ZNF487: variants seen among roughly 807,000 people sequenced by gnomAD.
ZNF487 encodes zinc finger protein 487.
ZNF487 carries 4 observed loss-of-function variants against 3.0 expected under a neutral mutation model. The observed-to-expected ratio is 1.35, with a 90% confidence interval of 0.66 to 3.08. ZNF487 has a LOEUF of 3.08. ZNF487 is among the 30% of genes most tolerant of loss of function. The probability of loss-of-function intolerance (pLI) is 0.01; values close to 1 mark genes in which losing one functional copy is unlikely to be tolerated. For missense variants in ZNF487, 146 were observed against 98.7 expected (o/e 1.48, Z -2.03); for synonymous variants, 55 against 34.6 (o/e 1.59, Z -2.06).
chr10:43,463,644 T>G (rs1332585190), intron 1 of ZNF487, among the ~76,000 whole-genome samples: 1 of 150,818 alleles, frequency 6.6e-6, no homozygotes, highest in African/African-American at 2.4e-5. Context: ...CCCACCTTGG[T>G]CCCCCAGAGC....
chr10:43,500,240 G>A, the ZNF487 span, among the ~76,000 whole-genome samples: 1 of 151,516 alleles, frequency 6.6e-6, no homozygotes, highest in Non-Finnish European at 1.5e-5. Context: ...GAACTCCTGA[G>A]CTCAAGTGAT....
At chr10:43,453,230 TC>T (rs1279390156) in intron 1 of ZNF487, 1 of 152,144 alleles carries the variant, frequency 6.6e-6, no homozygotes, top group Non-Finnish European at 1.5e-5. Context: ...AAAGCAATGT[TC>T]CTTGAGAAAG....
the ZNF487 span, among the ~76,000 whole-genome samples, chr10:43,499,681 G>C: frequency 6.6e-6 from 1 of 152,064 alleles, no homozygotes; most frequent in Admixed American, 6.6e-5. Context: ...AGCCTGGGCA[G>C]TCAAGGCCGC....
chr10:43,492,096 C>T, the ZNF487 span, among the ~76,000 whole-genome samples: 2 of 151,626 alleles, frequency 1.3e-5, no homozygotes, highest in Non-Finnish European at 2.9e-5. Flanking sequence ...GCTGCCACAT[C>T]CCGCCATGAG....
At chr10:43,491,862 A>C in the ZNF487 span, among the ~76,000 whole-genome samples, 1 of 151,820 alleles carries the variant, frequency 6.6e-6, no homozygotes, top group Admixed American at 6.6e-5. Context: ...AAAATCAAGG[A>C]TATATGTAGG....
At chr10:43,473,059 A>C (rs1441861351) in intron 1 of ZNF487, among the ~76,000 whole-genome samples, 1 of 151,056 alleles carries the variant, frequency 6.6e-6, no homozygotes, top group East Asian at 2.0e-4. Flanking sequence ...AAAAAAAAAA[A>C]AAAGGTTGAT....
chr10:43,489,594 T>C, the ZNF487 span, among the ~76,000 whole-genome samples: 1 of 152,136 alleles, frequency 6.6e-6, no homozygotes, highest in African/African-American at 2.4e-5. Context: ...CCCCAGGTAA[T>C]CTTCCTGCCT....
At chr10:43,479,960 TTC>T (rs1344624437) in intron 3 of ZNF487, among the ~76,000 whole-genome samples, 2 of 39,528 alleles carry the variant, frequency 5.1e-5, no homozygotes, top group Admixed American at 2.8e-4. Context: ...CTGACTCTCT[TTC>T]TTTCTTTCTT....
At chr10:43,484,418 C>T (rs1046371244), downstream of ZNF487, among the ~76,000 whole-genome samples, 4 of 151,792 alleles carry the variant, frequency 2.6e-5, no homozygotes, top group Non-Finnish European at 5.9e-5. Context: ...ACCAGCCTGG[C>T]CAACATGGGG....
Position 43,474,692 on chromosome 10 carries a change from C to T in ZNF487, c.-93-1029C>T, listed in dbSNP as rs912686452. On this transcript the variant is annotated intron_variant, in intron 1 of 3. Coordinates refer to ENST00000437590, the MANE Select transcript of ZNF487 (RefSeq NM_001355444.3). The stretch of plus-strand genomic sequence containing the variant: ...CCACCTCCCAGGTTCAAGTGATTCT[C>T]CTGTCTCAGCCTCCCCAGTAGCCGG... 8.5e-5 allele frequency among the ~76,000 whole-genome samples: 13 copies of T among 152,084 alleles called. No individual in the cohort carries two copies. In the East Asian group the frequency reaches 2.5e-3, roughly 30 times the overall value.
In ZNF487 at chr10:43,483,153, C is replaced by T. The variant is rs1427772902; in HGVS notation, c.*1231C>T. 6.7e-6 allele frequency: 3 copies of T among 449,066 alleles called. No homozygotes were observed. The Admixed American group carries it at 7.4e-5, about 11-fold the overall frequency. The allele number at this position is 449,066 out of a possible 1,614,324, so 27.8% of individuals were successfully genotyped here. A position where few individuals can be genotyped will look rare whatever the true frequency, so the allele number is the denominator to read the frequency against. On this transcript the variant is annotated 3_prime_UTR_variant, in exon 4 of 4. Transcript: ENST00000437590. ...AACAACCCAGGTTGGGGTGAGAACA[C>T]CCAATAAAGATGAGAAATCTTTTGC... is the stretch of plus-strand genomic sequence containing the variant.
At position 43,475,720 on chromosome 10, in the gene ZNF487, G is replaced by C. The variant is rs748978890; in HGVS notation, c.-93-1G>C. The C allele has an allele frequency of 9.0e-6, 7 of 780,600 alleles. No individual in the cohort carries two copies. The highest frequency in any genetic ancestry group is 1.7e-5 in the Non-Finnish European group (7 of 417,976). 48.4% of individuals were successfully genotyped at this position (780,600 alleles called of 1,614,324 possible). A position where few individuals can be genotyped will look rare whatever the true frequency, so the allele number is the denominator to read the frequency against. ...GAATGAAAACAAATGTACTGTTCTA[G>C]GGATCAGTGTCCTTCAGTGATGTGG... On this transcript the variant is annotated splice_acceptor_variant, in intron 1 of 3. Transcript: ENST00000437590. LOFTEE classifies it low-confidence loss of function (5UTR_SPLICE).
At chr10:43,468,474 G>A (rs2132115784) in intron 1 of ZNF487, among the ~76,000 whole-genome samples, 1 of 151,678 alleles carries the variant, frequency 6.6e-6, no homozygotes, top group East Asian at 2.0e-4. Flanking sequence ...GAGGTCGGGA[G>A]TTTGAGACCA....
chr10:43,454,891 C>T (rs1564416551), intron 1 of ZNF487, among the ~76,000 whole-genome samples: 1 of 142,036 alleles, frequency 7.0e-6, no homozygotes, highest in African/African-American at 2.6e-5. Flanking sequence ...TGAGCCGTGA[C>T]TGCGCCACTA....
At chr10:43,447,296 G>A (rs1839849153) in intron 1 of ZNF487, among the ~76,000 whole-genome samples, 1 of 150,668 alleles carries the variant, frequency 6.6e-6, no homozygotes, top group East Asian at 1.9e-4. Flanking sequence ...AGGCTGGAGT[G>A]CAGTGGCACG....
At chr10:43,437,576 A>G (rs779850579) in intron 1 of ZNF487, among the ~76,000 whole-genome samples, 4 of 152,134 alleles carry the variant, frequency 2.6e-5, no homozygotes, top group Non-Finnish European at 5.9e-5. Flanking sequence ...CACACTTGCA[A>G]GGATACCTTC....
Position 43,479,971 on chromosome 10 carries a change from TTTTCTTTCTTTCCTTC to T in ZNF487, c.131-1445_131-1430del, listed in dbSNP as rs1201875028. On this transcript the variant is annotated intron_variant, in intron 3 of 3. Coordinates refer to ENST00000437590, the MANE Select transcript of ZNF487 (RefSeq NM_001355444.3). ...GCACCTGACTCTCTTTCTTTCTTTCTTTTCTTTCTTTCCTTCTTTCTTTCTTTCTTTCTTTCTTTCT... is the reference window on the plus strand; with the variant it reads ...GCACCTGACTCTCTTTCTTTCTTTCTTTTCTTTCTTTCTTTCTTTCTTTCT... 5.8e-4 allele frequency among the ~76,000 whole-genome samples: 73 copies of T among 125,228 alleles called. 4 individuals are homozygous for T. The highest frequency in any genetic ancestry group is 2.4e-3 in the African/African-American group (69 of 28,808). 82.2% of individuals were successfully genotyped at this position (125,228 alleles called of 152,430 possible).
chr10:43,517,845 T>A, the ZNF487 span, among the ~76,000 whole-genome samples: 1 of 152,028 alleles, frequency 6.6e-6, no homozygotes, highest in Non-Finnish European at 1.5e-5. Context: ...CTGGAGGAGG[T>A]CCTTGGCTAC....
intron 1 of ZNF487, among the ~76,000 whole-genome samples, chr10:43,463,174 C>T (rs1327049124): frequency 6.6e-6 from 1 of 151,234 alleles, no homozygotes; most frequent in Non-Finnish European, 1.5e-5. Flanking sequence ...GCAGAGGTTG[C>T]GGTGAGCCGA....
Sources: allele counts gnomAD v4.1 joint callset (sites outside exome capture counted in the v4.1 genomes callset), GRCh38; gene constraint gnomAD v4.1.1; transcripts MANE v1.5; gene names NCBI Gene and HGNC (gene_info 2026-07-23, HGNC 2026-07-21).